Variants in ZNF507 observed in about 807,000 individuals in gnomAD.
The protein encoded by ZNF507 is zinc finger protein 507.
In ZNF507, 29 loss-of-function variants were observed where a neutral mutation model predicts 80.0. The ratio of observed to expected loss-of-function variants is 0.36; its 90% CI spans 0.27 to 0.49. The LOEUF (loss-of-function observed/expected upper bound fraction) is 0.49, where lower values mean the gene tolerates loss of function less well. ZNF507 is among the 20% of genes least tolerant of loss of function. ZNF507 has a pLI of 0.98. For missense variants in ZNF507, 1,081 were observed against 1,152.2 expected (o/e 0.94, Z 0.90); for synonymous variants, 462 against 422.5 (o/e 1.09, Z -1.15).
rs1242802847 is a variant in ZNF507 at position 32,374,770 on chromosome 19, C to A, written c.2361-7697C>A. ...GTGCTAGGATTACAGGCATGAGCCA[C>A]CACACTCGGCCTATACCTCTTCTTT... is the stretch of plus-strand genomic sequence containing the variant. On this transcript the variant is annotated intron_variant, in intron 5 of 6. Coordinates refer to ENST00000355898, the MANE Select transcript of ZNF507 (RefSeq NM_001136156.2). 2.6e-5 allele frequency among the ~76,000 whole-genome samples: 4 copies of A among 152,178 alleles called. No homozygotes were observed. In the East Asian group the frequency reaches 7.7e-4, roughly 29 times the overall value.
At chr19:32,376,388 T>A (rs1967546989) in intron 5 of ZNF507, among the ~76,000 whole-genome samples, 1 of 152,174 alleles carries the variant, frequency 6.6e-6, no homozygotes, top group African/African-American at 2.4e-5. Flanking sequence ...CTTTCTCCAA[T>A]AAAAGAACTG....
chr19:32,379,338 A>C (rs1425936680), intron 5 of ZNF507, among the ~76,000 whole-genome samples: 1 of 152,266 alleles, frequency 6.6e-6, no homozygotes, highest in Admixed American at 6.5e-5. Flanking sequence ...CCAAGAATAA[A>C]ATGTAGTGAT....
In ZNF507 at chr19:32,371,946, T is replaced by C. The variant is rs569254383; in HGVS notation, c.2361-10521T>C. On this transcript the variant is annotated intron_variant, in intron 5 of 6. Transcript: ENST00000355898. ...GAGCCACCACGCCCAGTCCATTCTT[T>C]ATTATTCTTAAGGAGTCTTGCGGGG... Among the ~76,000 whole-genome samples the C allele has an allele frequency of 6.6e-5, 10 of 152,276 alleles. No homozygotes were observed. The East Asian group carries it at 1.7e-3, about 27-fold the overall frequency.
At chr19:32,375,420 G>A (rs1045761931) in intron 5 of ZNF507, among the ~76,000 whole-genome samples, 3 of 152,194 alleles carry the variant, frequency 2.0e-5, no homozygotes, top group South Asian at 2.1e-4. Flanking sequence ...CGTGATAAAC[G>A]ACATCACCAG....
chr19:32,376,800 A>G (rs1229884997), intron 5 of ZNF507, among the ~76,000 whole-genome samples: 1 of 152,110 alleles, frequency 6.6e-6, no homozygotes, highest in Non-Finnish European at 1.5e-5. Context: ...ATACAAGACA[A>G]AGGGGCAGGG....
rs1045065036 is a variant in ZNF507, at chr19:32,373,075, G to A, written c.2361-9392G>A. Among the ~76,000 whole-genome samples, 9 of 152,310 alleles carry A rather than the reference G, an allele frequency of 5.9e-5. 1 individual carries two copies. The East Asian group carries it at 1.2e-3, about 20-fold the overall frequency. ...GCAGCATCCTGACATGCTGGAAGGG[G>A]CAATAAAGCTCCCCTAAACCTCTTT... On this transcript the variant is annotated intron_variant, in intron 5 of 6. Coordinates refer to ENST00000355898, the MANE Select transcript of ZNF507 (RefSeq NM_001136156.2).
rs1416187755 is a variant in ZNF507 at position 32,354,441 on chromosome 19, G to T, written c.1611G>T (p.Leu537Phe). The change falls in exon 3 of 7, where the codon TTG becomes TTT. Residue 537 changes from leucine (L) to phenylalanine (F), a missense_variant. Physicochemically the swap from Leu to Phe is conservative, Grantham distance 22. Around this residue, in one of 6 missense-constraint regions of ZNF507, gnomAD observed 614 missense variants for 583.9 expected, o/e 1.05. Coordinates refer to ENST00000355898, the MANE Select transcript of ZNF507 (RefSeq NM_001136156.2). The stretch of plus-strand genomic sequence containing the variant: ...GTCAAAGGCAAGTAGATAGTACATT[G>T]GCAGCGTACTCAAAAATGATGTCGC... Reference protein sequence around the residue: ...DTSQRQVDSTLAAYSKMMSPL... With the variant: ...DTSQRQVDSTFAAYSKMMSPL... The T allele has an allele frequency of 6.2e-7, 1 of 1,614,084 alleles. No homozygotes were observed. Among genetic ancestry groups the T allele is most frequent in the South Asian group, 1.1e-5 (1 of 91,078 alleles).
In ZNF507 at chr19:32,353,570, T is replaced by C. The variant is rs779045737; in HGVS notation, c.740T>C (p.Met247Thr). 6.2e-7 allele frequency: 1 copy of C among 1,614,212 alleles called. No individual in the cohort carries two copies. Among genetic ancestry groups the C allele is most frequent in the Admixed American group, 1.7e-5 (1 of 60,036 alleles). The change falls in exon 3 of 7, where the codon ATG becomes ACG. Residue 247 changes from methionine (M) to threonine (T), a missense_variant. By Grantham distance (81) the Met-to-Thr change is moderately conservative. Coordinates refer to ENST00000355898, the MANE Select transcript of ZNF507 (RefSeq NM_001136156.2). ...TGGTATGCATACGAACAGTACGGCA[T>C]GTATCGATGCTTGTTTTGTAGTTAT... is the stretch of plus-strand genomic sequence containing the variant. ...RKWYAYEQYG[M>T]YRCLFCSYTC...
At chr19:32,371,640 ATTATT>A (rs1233108159) in intron 5 of ZNF507, among the ~76,000 whole-genome samples, 1 of 54,136 alleles carries the variant, frequency 1.8e-5, no homozygotes, top group Admixed American at 2.1e-4. Flanking sequence ...TATTATTATT[ATTATT>A]TTTTTTTTTT....
At chr19:32,379,488 G>A (rs1599559919) in intron 5 of ZNF507, among the ~76,000 whole-genome samples, 1 of 152,140 alleles carries the variant, frequency 6.6e-6, no homozygotes, top group Admixed American at 6.5e-5. Flanking sequence ...ATAAAACATT[G>A]TAGATATAGC....
At chr19:32,367,056 A>T (rs563102978) in intron 5 of ZNF507, among the ~76,000 whole-genome samples, 23 of 152,286 alleles carry the variant, frequency 1.5e-4, no homozygotes, top group Middle Eastern at 3.4e-3. Flanking sequence ...GAAGAGGTTT[A>T]TTTGGCTTAT....
In ZNF507 at chr19:32,354,870, C is replaced by T. The variant is rs772811882; in HGVS notation, c.2040C>T (p.Asn680=). The T allele has an allele frequency of 6.2e-7, 1 of 1,614,198 alleles. No individual in the cohort carries two copies. The highest frequency in any genetic ancestry group is 1.1e-5 in the South Asian group (1 of 91,082). Residue 680 remains asparagine, a synonymous_variant, in exon 3 of 7, where the codon AAC becomes AAT. Transcript: ENST00000355898. Reference sequence around the variant, plus strand: ...CTATCTGCGAGCACATAGCGGACAACAGCAAAGATTTGGAGAGTCACATGA... The same window carrying T: ...CTATCTGCGAGCACATAGCGGACAATAGCAAAGATTTGGAGAGTCACATGA... The part of the protein sequence containing the change: ...QCPICEHIAD[N]SKDLESHMIH...
At chr19:32,365,511 A>C (rs370756097) in intron 5 of ZNF507, among the ~76,000 whole-genome samples, 1 of 152,144 alleles carries the variant, frequency 6.6e-6, no homozygotes, top group African/African-American at 2.4e-5. Flanking sequence ...TGATTTTTGT[A>C]TAAGGTGAGA....
At position 32,385,920 on chromosome 19, in the gene ZNF507, C is replaced by T. The variant is rs1016298108; in HGVS notation, c.*2837C>T. 1.3e-5 allele frequency: 2 copies of T among 152,094 alleles called. No homozygotes were observed. The highest frequency in any genetic ancestry group is 1.3e-4 in the Admixed American group (2 of 15,268). 9.4% of individuals were successfully genotyped at this position (152,094 alleles called of 1,614,324 possible). A position where few individuals can be genotyped will look rare whatever the true frequency, so the allele number is the denominator to read the frequency against. ...AGACAGAGCTCATAGTATTTGTTTT[C>T]TGCTCCGAACACTTAAAAAATACTA... On this transcript the variant is annotated 3_prime_UTR_variant, in exon 7 of 7. Coordinates refer to ENST00000355898, the MANE Select transcript of ZNF507 (RefSeq NM_001136156.2).
chr19:32,356,696 T>G lies in ZNF507; in HGVS notation c.2208T>G (p.Ile736Met), dbSNP rs1197541377. 1 of 1,614,144 alleles carries G rather than the reference T, an allele frequency of 6.2e-7. No homozygotes were observed. Among genetic ancestry groups the G allele is most frequent in the African/African-American group, 1.3e-5 (1 of 75,042 alleles). ...TAGCAACTTCTAATGAGCCAAGAAT[T>G]TCCAGTGATACAGCTGATGGAAAAT... ...LSIATSNEPR[I>M]SSDTADGKCV... The change falls in exon 4 of 7, where the codon ATT (isoleucine) becomes ATG (methionine). Residue 736 changes from isoleucine to methionine, a missense_variant. Coordinates refer to ENST00000355898, the MANE Select transcript of ZNF507 (RefSeq NM_001136156.2).
At chr19:32,376,626 G>A (rs977495847) in intron 5 of ZNF507, among the ~76,000 whole-genome samples, 2 of 152,246 alleles carry the variant, frequency 1.3e-5, no homozygotes, top group African/African-American at 4.8e-5. Context: ...AGCCCCACAT[G>A]ATCGGTGGGT....
intron 1 of ZNF507, among the ~76,000 whole-genome samples, chr19:32,346,968 G>A (rs1967105153): frequency 6.6e-6 from 1 of 152,152 alleles, no homozygotes; most frequent in South Asian, 2.1e-4. Flanking sequence ...CAATAGTGTT[G>A]AGTCCAGTAC....
intron 5 of ZNF507, chr19:32,382,239 T>C (rs1281748708): frequency 1.7e-5 from 7 of 412,508 alleles, no homozygotes; most frequent in Non-Finnish European, 3.0e-5. Context: ...TTCTTACTAA[T>C]TCTTTATAAT....
In ZNF507 at chr19:32,384,172, C is replaced by T. The variant is rs1017225754; in HGVS notation, c.*1089C>T. 1 of 152,046 alleles carries T rather than the reference C, an allele frequency of 6.6e-6. No individual in the cohort carries two copies. Among genetic ancestry groups the T allele is most frequent in the African/African-American group, 2.4e-5 (1 of 41,378 alleles). 9.4% of individuals were successfully genotyped at this position (152,046 alleles called of 1,614,324 possible). A position where few individuals can be genotyped will look rare whatever the true frequency, so the allele number is the denominator to read the frequency against. ...ATGTGACTAAAATATAGCAGAAATT[C>T]AGGTTGTTTGTAAAAATTTTAATAA... On this transcript the variant is annotated 3_prime_UTR_variant, in exon 7 of 7. Coordinates refer to ENST00000355898, the MANE Select transcript of ZNF507 (RefSeq NM_001136156.2).
Sources: gnomAD v4.1 joint callset for allele counts (sites outside exome capture counted in the v4.1 genomes callset) on GRCh38, gnomAD v4.1.1 for gene constraint, gnomAD v4.1.1 regional missense constraint, MANE v1.5 for transcripts, NCBI Gene and HGNC (gene_info 2026-07-23, HGNC 2026-07-21) for gene names.